The following CCDC178 variants were observed in gnomAD, a reference collection of about 807,000 sequenced individuals.
CCDC178 encodes coiled-coil domain containing 178.
A neutral mutation model predicts 117.4 loss-of-function variants in CCDC178; 126 were observed. The observed-to-expected ratio is 1.07, with a 90% confidence interval of 0.93 to 1.24. CCDC178 has a LOEUF of 1.24. Ranked by LOEUF, CCDC178 falls within the 50% of genes most tolerant of loss-of-function variation. CCDC178 has a pLI of 0.00. For synonymous variants in CCDC178, 283 were observed against 313.4 expected (o/e 0.90, Z 1.02); for missense variants, 1,030 against 986.9 (o/e 1.04, Z -0.59).
chr18:33,218,530 C>T (rs2059194684), intron 18 of CCDC178, among the ~76,000 whole-genome samples: 1 of 152,014 alleles, frequency 6.6e-6, no homozygotes. Context: ...CTTGCCAATG[C>T]CTATGTCCTG....
chr18:33,290,711 T>C lies in CCDC178; in HGVS notation c.1176+2448A>G, dbSNP rs946586532. On this transcript the variant is annotated intron_variant, in intron 12 of 22. Coordinates refer to ENST00000383096, the MANE Select transcript of CCDC178 (RefSeq NM_001105528.4). Reference sequence around the variant, plus strand: ...TATAATAGATAATTAACACCCATTATGGAATTTTCGTGACGTAGCCATGGA... The same window carrying C: ...TATAATAGATAATTAACACCCATTACGGAATTTTCGTGACGTAGCCATGGA... Among the ~76,000 whole-genome samples the C allele has an allele frequency of 5.3e-5, 8 of 152,228 alleles. No homozygotes were observed. In the South Asian group the frequency reaches 8.3e-4, roughly 16 times the overall value.
intron 21 of CCDC178, among the ~76,000 whole-genome samples, chr18:33,036,038 T>C (rs2056437941): frequency 6.6e-6 from 1 of 151,950 alleles, no homozygotes; most frequent in Non-Finnish European, 1.5e-5. Flanking sequence ...AATAGTAATG[T>C]GGCATTTTAT....
chr18:33,243,001 A>G (rs2059506688), intron 15 of CCDC178, among the ~76,000 whole-genome samples: 1 of 151,924 alleles, frequency 6.6e-6, no homozygotes, highest in Non-Finnish European at 1.5e-5. Flanking sequence ...GAATCAAATT[A>G]GGTGTCCAAC....
chr18:33,173,957 C>T (rs763652212), intron 20 of CCDC178, among the ~76,000 whole-genome samples: 5 of 152,052 alleles, frequency 3.3e-5, no homozygotes, highest in Non-Finnish European at 5.9e-5. Context: ...TATTAAGACA[C>T]GGAGAAGTTG....
At chr18:33,098,933 C>G (rs183524228) in intron 20 of CCDC178, among the ~76,000 whole-genome samples, 8 of 151,872 alleles carry the variant, frequency 5.3e-5, no homozygotes, top group Admixed American at 5.3e-4. Flanking sequence ...TTGATTCTAT[C>G]AAGTGGGGGA....
intron 21 of CCDC178, among the ~76,000 whole-genome samples, chr18:33,001,765 C>A (rs2144771972): frequency 6.6e-6 from 1 of 152,088 alleles, no homozygotes; most frequent in South Asian, 2.1e-4. Context: ...GAAGACCCAG[C>A]ATAGAGTGTC....
Position 33,416,694 on chromosome 18 carries a change from T to C in CCDC178, c.-22-4584A>G, listed in dbSNP as rs781270275. ...CCACCCACTCCCACAAGTAAAGAAG[T>C]ACCTTTATTCTTCCCCACTGGGTAG... On this transcript the variant is annotated intron_variant, in intron 2 of 22. Coordinates refer to ENST00000383096, the MANE Select transcript of CCDC178 (RefSeq NM_001105528.4). 1.3e-4 allele frequency among the ~76,000 whole-genome samples: 20 copies of C among 152,216 alleles called. No individual in the cohort carries two copies. In the Middle Eastern group the frequency reaches 0.014, roughly 104 times the overall value.
intron 20 of CCDC178, among the ~76,000 whole-genome samples, chr18:33,195,959 C>T (rs1246493945): frequency 2.0e-5 from 3 of 152,076 alleles, no homozygotes; most frequent in Admixed American, 1.3e-4. Flanking sequence ...AGTTGAATTA[C>T]CTAAAGAGCA....
intron 5 of CCDC178, among the ~76,000 whole-genome samples, chr18:33,383,637 T>C (rs79341162): frequency 0.013 from 1,957 of 151,440 alleles, 34 homozygotes; most frequent in African/African-American, 0.045. Context: ...GACTATTAGA[T>C]GAAAAACAAC....
intron 12 of CCDC178, among the ~76,000 whole-genome samples, chr18:33,283,252 A>G (rs2060047727): frequency 6.6e-6 from 1 of 152,046 alleles, no homozygotes; most frequent in African/African-American, 2.4e-5. Flanking sequence ...CCCACAAACG[A>G]AGTCAGTCGG....
At chr18:33,330,411 C>A (rs1393378256) in intron 10 of CCDC178, among the ~76,000 whole-genome samples, 1 of 152,124 alleles carries the variant, frequency 6.6e-6, no homozygotes, top group East Asian at 1.9e-4. Flanking sequence ...GCTCACGCTA[C>A]AGAAGCCAAG....
intron 8 of CCDC178, among the ~76,000 whole-genome samples, chr18:33,348,689 A>T (rs1357827712): frequency 6.6e-6 from 1 of 151,908 alleles, no homozygotes; most frequent in Non-Finnish European, 1.5e-5. Flanking sequence ...CTAAACCAGT[A>T]CTTGGTGTAT....
chr18:33,015,071 C>T (rs1448560423), intron 21 of CCDC178, among the ~76,000 whole-genome samples: 5 of 151,458 alleles, frequency 3.3e-5, no homozygotes, highest in African/African-American at 9.7e-5. Context: ...GCCTGGCCAA[C>T]ATGGTGAAAC....
chr18:33,022,034 A>G (rs1407495010), intron 21 of CCDC178, among the ~76,000 whole-genome samples: 2 of 152,228 alleles, frequency 1.3e-5, no homozygotes, highest in Non-Finnish European at 2.9e-5. Flanking sequence ...AATTTGGGAA[A>G]CAAACATCTT....
chr18:33,420,758 C>A (rs1277613726), intron 2 of CCDC178, among the ~76,000 whole-genome samples: 2 of 151,914 alleles, frequency 1.3e-5, no homozygotes, highest in Non-Finnish European at 2.9e-5. Context: ...TATGACAAAC[C>A]TGCACATGTA....
intron 2 of CCDC178, among the ~76,000 whole-genome samples, chr18:33,422,227 C>A (rs921765921): frequency 4.6e-5 from 7 of 152,104 alleles, no homozygotes; most frequent in Non-Finnish European, 8.8e-5. Context: ...GCCACACATT[C>A]TTTTCTTTTC....
chr18:33,175,177 CTGTTTCGCATTAT>C (rs1460756367), intron 20 of CCDC178, among the ~76,000 whole-genome samples: 1 of 151,622 alleles, frequency 6.6e-6, no homozygotes, highest in Non-Finnish European at 1.5e-5. Context: ...CACCTGGCCT[CTGTTTCGCATTAT>C]TGTATCCTTC....
chr18:33,002,194 C>G (rs939126149), intron 21 of CCDC178, among the ~76,000 whole-genome samples: 2 of 151,972 alleles, frequency 1.3e-5, no homozygotes, highest in African/African-American at 4.8e-5. Flanking sequence ...TAGATATTTA[C>G]AGAATATTTC....
intron 21 of CCDC178, among the ~76,000 whole-genome samples, chr18:33,012,394 G>T (rs1344957134): frequency 6.6e-6 from 1 of 152,128 alleles, no homozygotes; most frequent in East Asian, 1.9e-4. Context: ...GACATAGGTA[G>T]AGATAAATGC....
Sources: gnomAD v4.1 joint callset for allele counts (sites outside exome capture counted in the v4.1 genomes callset) on GRCh38, gnomAD v4.1.1 for gene constraint, MANE v1.5 for transcripts, NCBI Gene and HGNC (gene_info 2026-07-23, HGNC 2026-07-21) for gene names.